Variants in CDH20 observed in about 807,000 individuals in gnomAD.
The protein encoded by CDH20 is cadherin 20.
Under a neutral mutation model 74.2 loss-of-function variants are expected in CDH20, and 29 were observed. That is an observed-to-expected ratio of 0.39 (90% CI 0.29 to 0.53). The LOEUF (loss-of-function observed/expected upper bound fraction) is 0.53, where lower values mean the gene tolerates loss of function less well. CDH20 is among the 20% of genes least tolerant of loss of function. The pLI is 0.69. For synonymous variants in CDH20, 469 were observed against 405.4 expected, an observed-to-expected ratio of 1.16 and a Z score of -1.88; for missense variants, 988 against 1,048.3, an observed-to-expected ratio of 0.94 and a Z score of 0.79.
At chr18:61,443,553 T>C (rs977798717) in intron 1 of CDH20, among the ~76,000 whole-genome samples, 1 of 152,074 alleles carries the variant, frequency 6.6e-6, no homozygotes, top group African/African-American at 2.4e-5. Context: ...ACTCAGAGTG[T>C]GGCCCTCGGA....
chr18:61,492,133 G>A (rs952042278), intron 2 of CDH20, among the ~76,000 whole-genome samples: 1 of 152,104 alleles, frequency 6.6e-6, no homozygotes, highest in Non-Finnish European at 1.5e-5. Flanking sequence ...CCAATGTAGT[G>A]TGTCCAGTAA....
intron 5 of CDH20, among the ~76,000 whole-genome samples, chr18:61,504,433 T>C (rs376153967): frequency 8.5e-5 from 13 of 152,286 alleles, no homozygotes; most frequent in African/African-American, 3.1e-4. Context: ...GGAGAAGGAT[T>C]GTACTACTAA....
At chr18:61,375,204 T>G (rs372864611) in intron 1 of CDH20, among the ~76,000 whole-genome samples, 1 of 152,166 alleles carries the variant, frequency 6.6e-6, no homozygotes, top group African/African-American at 2.4e-5. Flanking sequence ...AGAACTGATA[T>G]AGCGGTAGCA....
intron 6 of CDH20, among the ~76,000 whole-genome samples, chr18:61,527,451 G>A (rs747633349): frequency 3.3e-5 from 5 of 150,554 alleles, no homozygotes; most frequent in African/African-American, 4.9e-5. Flanking sequence ...GTTTGTGTTT[G>A]GAATACAAAC....
chr18:61,462,362 C>A (rs1407555832), intron 1 of CDH20, among the ~76,000 whole-genome samples: 1 of 152,090 alleles, frequency 6.6e-6, no homozygotes, highest in African/African-American at 2.4e-5. Flanking sequence ...AGGTTCTCTG[C>A]CTTCAGACCC....
At chr18:61,519,212 A>G (rs1803437550) in intron 6 of CDH20, among the ~76,000 whole-genome samples, 1 of 151,368 alleles carries the variant, frequency 6.6e-6, no homozygotes, top group African/African-American at 2.5e-5. Context: ...GGTATTATCC[A>G]GGAGAACTTC....
chr18:61,367,253 G>A (rs757615920), intron 1 of CDH20, among the ~76,000 whole-genome samples: 15 of 152,106 alleles, frequency 9.9e-5, no homozygotes, highest in Non-Finnish European at 2.1e-4. Flanking sequence ...ACGGGAAAAT[G>A]AGTAAGAGCC....
chr18:61,380,438 T>C (rs947641515), intron 1 of CDH20, among the ~76,000 whole-genome samples: 14 of 152,198 alleles, frequency 9.2e-5, no homozygotes, highest in African/African-American at 3.4e-4. Flanking sequence ...GGGTTGCTTT[T>C]GTGTTGTTGT....
intron 1 of CDH20, among the ~76,000 whole-genome samples, chr18:61,487,568 C>A (rs1910810790): frequency 6.6e-6 from 1 of 152,084 alleles, no homozygotes; most frequent in South Asian, 2.1e-4. Context: ...GTAAAGGTAC[C>A]ATCAGCTTTC....
At chr18:61,495,861 C>G (rs1911120611) in intron 2 of CDH20, among the ~76,000 whole-genome samples, 1 of 152,094 alleles carries the variant, frequency 6.6e-6, no homozygotes, top group Non-Finnish European at 1.5e-5. Context: ...CCTGACTACA[C>G]CAAGAACTGA....
chr18:61,374,703 T>G (rs899258423), intron 1 of CDH20, among the ~76,000 whole-genome samples: 2 of 152,156 alleles, frequency 1.3e-5, no homozygotes, highest in African/African-American at 4.8e-5. Flanking sequence ...TTGAATACCT[T>G]GGCTTCCAGT....
At chr18:61,512,015 C>A (rs1322656394) in intron 6 of CDH20, among the ~76,000 whole-genome samples, 1 of 152,198 alleles carries the variant, frequency 6.6e-6, no homozygotes, top group African/African-American at 2.4e-5. Context: ...CTGCTCCACG[C>A]CCATCTTCCC....
rs553896282 is a variant in CDH20, at chr18:61,479,502, A to G, written c.-152-10900A>G. Among the ~76,000 whole-genome samples the G allele has an allele frequency of 5.3e-5, 8 of 152,332 alleles. No homozygotes were observed. The South Asian group carries it at 8.3e-4, about 16-fold the overall frequency. ...CAACAGTTATATTTCAGTACTAACT[A>G]AAAGAATAGCCAATGTTTATTTATT... On this transcript the variant is annotated intron_variant, in intron 1 of 11. Transcript: ENST00000262717.
intron 1 of CDH20, among the ~76,000 whole-genome samples, chr18:61,336,894 T>C (rs2054956399): frequency 6.6e-6 from 1 of 152,116 alleles, no homozygotes; most frequent in South Asian, 2.1e-4. Context: ...AGTCTGATTA[T>C]TGGCATCCAG....
chr18:61,392,530 A>G (rs1911827398), intron 1 of CDH20, among the ~76,000 whole-genome samples: 1 of 152,118 alleles, frequency 6.6e-6, no homozygotes, highest in African/African-American at 2.4e-5. Context: ...TCACCTTGTT[A>G]CAGCTTGGAA....
chr18:61,334,873 C>T (rs1352655005), intron 1 of CDH20, among the ~76,000 whole-genome samples: 1 of 117,690 alleles, frequency 8.5e-6, no homozygotes, highest in African/African-American at 2.6e-5. Context: ...GCACCAGGAA[C>T]AATTTTTTTT....
Position 61,353,201 on chromosome 18 carries a change from G to A in CDH20, c.-153+19374G>A, listed in dbSNP as rs545263161. On this transcript the variant is annotated intron_variant, in intron 1 of 11. Transcript: ENST00000262717. This position sits in a 1 kb window ranked among gnomAD's most constrained non-coding sequence, Gnocchi z 4.6. Reference sequence around the variant, plus strand: ...TTAATTGTCTACATAACAAAGCTCAGAGTTTTTAGCGTGGCATTAGTTTCT... The same window carrying A: ...TTAATTGTCTACATAACAAAGCTCAAAGTTTTTAGCGTGGCATTAGTTTCT... 6.6e-6 allele frequency among the ~76,000 whole-genome samples: 1 copy of A among 152,300 alleles called. No individual in the cohort carries two copies. The highest frequency in any genetic ancestry group is 2.1e-4 in the South Asian group (1 of 4,826).
chr18:61,448,570 C>T (rs1015764885), intron 1 of CDH20, among the ~76,000 whole-genome samples: 2 of 152,216 alleles, frequency 1.3e-5, no homozygotes, highest in African/African-American at 4.8e-5. Context: ...TAATAATTAG[C>T]TCATGCTCTT....
chr18:61,334,313 G>A (rs927484097), intron 1 of CDH20: 1 of 152,190 alleles, frequency 6.6e-6, no homozygotes, highest in Admixed American at 6.5e-5. Context: ...AGGCTCCGGG[G>A]AGGCGCAGGC....
Sources: gnomAD v4.1 joint callset for allele counts (sites outside exome capture counted in the v4.1 genomes callset) on GRCh38, gnomAD v4.1.1 for gene constraint, Gnocchi (gnomAD v3.1) non-coding constraint, MANE v1.5 for transcripts, NCBI Gene and HGNC (gene_info 2026-07-23, HGNC 2026-07-21) for gene names.